RPS6KA5: variants seen among roughly 807,000 people sequenced by gnomAD.
RPS6KA5 encodes the protein ribosomal protein S6 kinase A5.
In RPS6KA5, 27 loss-of-function variants were observed where a neutral mutation model predicts 85.5. The observed-to-expected ratio is 0.32, with a 90% CI of 0.23 to 0.44. The LOEUF (loss-of-function observed/expected upper bound fraction) is 0.44. Ranked by LOEUF, RPS6KA5 falls within the 20% of genes least tolerant of loss-of-function variation. The probability of loss-of-function intolerance (pLI) is 1.00; values close to 1 mark genes in which losing one functional copy is unlikely to be tolerated. For synonymous variants in RPS6KA5, 334 were observed against 348.2 expected, an observed-to-expected ratio of 0.96 and a Z score of 0.46; for missense variants, 811 against 980.9, an observed-to-expected ratio of 0.83 and a Z score of 2.31.
intron 14 of RPS6KA5, among the ~76,000 whole-genome samples, chr14:90,883,054 T>C (rs1195124009): frequency 1.3e-5 from 2 of 152,168 alleles, no homozygotes; most frequent in African/African-American, 4.8e-5. Context: ...CACCTCGGCC[T>C]CCCAAAGTGC....
intron 5 of RPS6KA5, among the ~76,000 whole-genome samples, chr14:90,926,412 A>T (rs1295558747): frequency 6.6e-6 from 1 of 151,854 alleles, no homozygotes; most frequent in Non-Finnish European, 1.5e-5. Flanking sequence ...ACAAAAAAAA[A>T]GACTTAGTAA....
chr14:90,874,179 G>C (rs1323023854), intron 15 of RPS6KA5, among the ~76,000 whole-genome samples: 1 of 152,220 alleles, frequency 6.6e-6, no homozygotes, highest in Non-Finnish European at 1.5e-5. Flanking sequence ...TAAGGCACTA[G>C]AGATATGGAG....
At position 90,944,441 on chromosome 14, in the gene RPS6KA5, C is replaced by A. The variant is rs1418685013; in HGVS notation, c.511-1256G>T. On this transcript the variant is annotated intron_variant, in intron 4 of 16. Coordinates refer to ENST00000614987, the MANE Select transcript of RPS6KA5 (RefSeq NM_004755.4). ...GACTAGCCTGGGCAACACAGTGAGACCCATCTCTACAAAAAATTTTAAAAA... is the reference window on the plus strand; with the variant it reads ...GACTAGCCTGGGCAACACAGTGAGAACCATCTCTACAAAAAATTTTAAAAA... Among the ~76,000 whole-genome samples, 5 of 150,838 alleles carry A rather than the reference C, an allele frequency of 3.3e-5. No individual in the cohort carries two copies. The East Asian group carries it at 9.9e-4, about 30-fold the overall frequency.
intron 2 of RPS6KA5, among the ~76,000 whole-genome samples, chr14:90,985,244 C>A (rs563394310): frequency 6.6e-6 from 1 of 152,164 alleles, no homozygotes; most frequent in East Asian, 1.9e-4. Flanking sequence ...CGCCCGGCCG[C>A]CTTTAATTTT....
intron 1 of RPS6KA5, among the ~76,000 whole-genome samples, chr14:91,052,721 T>G (rs1387164044): frequency 7.1e-6 from 1 of 141,226 alleles, no homozygotes; most frequent in Non-Finnish European, 1.5e-5. Context: ...TAGTCCCAGC[T>G]ACTTGGGAGG....
chr14:90,966,718 G>A (rs1053221088), intron 3 of RPS6KA5, among the ~76,000 whole-genome samples: 2 of 152,160 alleles, frequency 1.3e-5, no homozygotes, highest in African/African-American at 4.8e-5. Flanking sequence ...TAGCCCTATC[G>A]AATACAAGGC....
At chr14:90,984,569 T>G (rs2039977523) in intron 2 of RPS6KA5, among the ~76,000 whole-genome samples, 1 of 152,222 alleles carries the variant, frequency 6.6e-6, no homozygotes, top group African/African-American at 2.4e-5. Context: ...GTTGACAATC[T>G]TTGCTGATAA....
chr14:90,881,452 CAAA>C (rs375439250), intron 14 of RPS6KA5, among the ~76,000 whole-genome samples: 6 of 126,004 alleles, frequency 4.8e-5, no homozygotes, highest in Admixed American at 1.6e-4. Context: ...GACTCTGTCT[CAAA>C]AAAAAAAAAA....
At chr14:91,044,322 A>G (rs1448005185) in intron 1 of RPS6KA5, among the ~76,000 whole-genome samples, 1 of 135,922 alleles carries the variant, frequency 7.4e-6, no homozygotes, top group Non-Finnish European at 1.6e-5. Context: ...AGAGAGAAAG[A>G]GAGAGAGAAA....
chr14:90,957,823 T>C (rs1351938611), intron 3 of RPS6KA5, among the ~76,000 whole-genome samples: 1 of 151,996 alleles, frequency 6.6e-6, no homozygotes, highest in East Asian at 1.9e-4. Context: ...TCCTTTGTTT[T>C]TTTTTTTTCC....
At chr14:90,926,645 G>GTATATA (rs879470923) in intron 5 of RPS6KA5, among the ~76,000 whole-genome samples, 11 of 140,004 alleles carry the variant, frequency 7.9e-5, no homozygotes, top group Admixed American at 1.4e-4. Flanking sequence ...ATATGTATGT[G>GTATATA]TATATATATA....
rs539524280 is a variant in RPS6KA5, at chr14:90,909,554, T to C, written c.807-3255A>G. ...AAAAAGCAAGAAATATGAATATTAA[T>C]TAAACTTACAACAAGGCCTTAGAAC... On this transcript the variant is annotated intron_variant, in intron 7 of 16. Transcript: ENST00000614987. Among the ~76,000 whole-genome samples, 3 of 152,320 alleles carry C rather than the reference T, an allele frequency of 2.0e-5. No individual in the cohort carries two copies. In the East Asian group the frequency reaches 5.8e-4, roughly 29 times the overall value.
intron 5 of RPS6KA5, among the ~76,000 whole-genome samples, chr14:90,939,706 C>T (rs1196820022): frequency 6.6e-6 from 1 of 152,098 alleles, no homozygotes; most frequent in Non-Finnish European, 1.5e-5. Flanking sequence ...ACAAGAATAG[C>T]ATGAGAAAAA....
chr14:90,888,660 T>A (rs1315834425), intron 14 of RPS6KA5, among the ~76,000 whole-genome samples: 5 of 152,164 alleles, frequency 3.3e-5, no homozygotes, highest in Non-Finnish European at 5.9e-5. Context: ...CAGACTTAAG[T>A]GTAAGAACAA....
Position 90,872,473 on chromosome 14 carries a change from A to C in RPS6KA5, c.2161-151T>G, listed in dbSNP as rs553011278. ...AAAGCTCTTAAAACCTTTATATCTAAGTCTATTGGCAGGGTGGAGAAGTTC... is the reference window on the plus strand; with the variant it reads ...AAAGCTCTTAAAACCTTTATATCTACGTCTATTGGCAGGGTGGAGAAGTTC... On this transcript the variant is annotated intron_variant, in intron 16 of 16. Coordinates refer to ENST00000614987, the MANE Select transcript of RPS6KA5 (RefSeq NM_004755.4). 118 of 1,020,572 alleles carry C rather than the reference A, an allele frequency of 1.2e-4. 1 individual carries two copies. In the East Asian group the frequency reaches 3.0e-3, roughly 26 times the overall value. The allele number at this position is 1,020,572 out of a possible 1,614,324, so 63.2% of individuals were successfully genotyped here.
At chr14:91,000,716 C>A (rs1030490352) in intron 2 of RPS6KA5, among the ~76,000 whole-genome samples, 1 of 152,082 alleles carries the variant, frequency 6.6e-6, no homozygotes, top group African/African-American at 2.4e-5. Flanking sequence ...GCAGGAGAAT[C>A]GCTTGAACCC....
chr14:91,056,939 G>A (rs2043348376), intron 1 of RPS6KA5, among the ~76,000 whole-genome samples: 1 of 125,842 alleles, frequency 7.9e-6, no homozygotes, highest in South Asian at 2.8e-4. Context: ...GCGTGCAATG[G>A]CATGATCTCG....
chr14:91,034,682 G>T (rs531764506), intron 1 of RPS6KA5, among the ~76,000 whole-genome samples: 1 of 152,164 alleles, frequency 6.6e-6, no homozygotes, highest in South Asian at 2.1e-4. Flanking sequence ...CCCCTTTCAC[G>T]CTGTGGAAGC....
chr14:90,974,570 C>T (rs1294461147), intron 3 of RPS6KA5, among the ~76,000 whole-genome samples: 1 of 152,228 alleles, frequency 6.6e-6, no homozygotes, highest in African/African-American at 2.4e-5. Flanking sequence ...GGAGGCCCTG[C>T]AGCCTCCACT....
Sources: gnomAD v4.1 joint callset for allele counts (sites outside exome capture counted in the v4.1 genomes callset) on GRCh38, gnomAD v4.1.1 for gene constraint, MANE v1.5 for transcripts, NCBI Gene and HGNC (gene_info 2026-07-23, HGNC 2026-07-21) for gene names.